Variants in SLC35F3 observed in about 807,000 individuals in gnomAD.
SLC35F3 encodes putative thiamine transporter SLC35F3.
In SLC35F3, 25 loss-of-function variants were observed where a neutral mutation model predicts 49.9. That is an observed-to-expected ratio of 0.50 (90% confidence interval 0.37 to 0.70). The LOEUF is 0.70. SLC35F3 is among the 30% of genes least tolerant of loss of function. SLC35F3 has a pLI of 0.00. For missense variants in SLC35F3, 525 were observed against 639.8 expected, an observed-to-expected ratio of 0.82 and a Z score of 1.94; for synonymous variants, 275 against 265.4, an observed-to-expected ratio of 1.04 and a Z score of -0.35.
chr1:234,285,490 T>G (rs1668405732), intron 3 of SLC35F3: 3 of 385,980 alleles, frequency 7.8e-6, no homozygotes, highest in South Asian at 4.0e-5. Flanking sequence ...AACAGAAAAT[T>G]TTGGGGTGCC....
intron 2 of SLC35F3, among the ~76,000 whole-genome samples, chr1:234,211,740 C>T (rs1218027433): frequency 6.6e-6 from 1 of 152,132 alleles, no homozygotes; most frequent in Admixed American, 6.5e-5. Flanking sequence ...AAGGGACTTC[C>T]CTTGTCTCAA....
At chr1:233,965,663 T>C (rs569027798) in intron 2 of SLC35F3, among the ~76,000 whole-genome samples, 2 of 152,234 alleles carry the variant, frequency 1.3e-5, no homozygotes, top group South Asian at 4.2e-4. Context: ...TGCCAATAAC[T>C]GGAGTGAGCT....
At position 234,027,216 on chromosome 1, in the gene SLC35F3, G is replaced by A. The variant is rs1224873289; in HGVS notation, c.283+121458G>A. ...CTCTGTCTCCCACCACCACACGCTTGATGGCCTGCATCTGGGCTGCTCACT... is the reference window on the plus strand; with the variant it reads ...CTCTGTCTCCCACCACCACACGCTTAATGGCCTGCATCTGGGCTGCTCACT... On this transcript the variant is annotated intron_variant, in intron 2 of 7. Coordinates refer to ENST00000366618, the MANE Select transcript of SLC35F3 (RefSeq NM_173508.4). The surrounding 1 kb of genome is among the most constrained non-coding windows in gnomAD (Gnocchi z 4.1). 1.3e-5 allele frequency: 2 copies of A among 156,680 alleles called. No individual in the cohort carries two copies. Among genetic ancestry groups the A allele is most frequent in the Middle Eastern group, 6.5e-4 (1 of 1,530 alleles). The allele number at this position is 156,680 out of a possible 1,614,324, so 9.7% of individuals were successfully genotyped here.
At chr1:234,131,926 CAA>C (rs1048452413) in intron 2 of SLC35F3, among the ~76,000 whole-genome samples, 1 of 152,092 alleles carries the variant, frequency 6.6e-6, no homozygotes, top group Admixed American at 6.5e-5. Flanking sequence ...CTTGTGAAAA[CAA>C]AGATTTTGTT....
intron 2 of SLC35F3, among the ~76,000 whole-genome samples, chr1:234,130,724 G>C (rs1297388664): frequency 6.6e-6 from 1 of 151,830 alleles, no homozygotes; most frequent in Non-Finnish European, 1.5e-5. Flanking sequence ...ACTGCTGGTA[G>C]AAGCATATAT....
Position 234,323,372 on chromosome 1 carries a change from G to A in SLC35F3, c.*129G>A. 1.4e-6 allele frequency: 1 copy of A among 736,360 alleles called. No homozygotes were observed. The allele number at this position is 736,360 out of a possible 1,614,324, so 45.6% of individuals were successfully genotyped here. ...GCGGTAAGTTCTATGGTATTTATTG[G>A]CATGTCCAATTTGCTTGCACTTTTC... On this transcript the variant is annotated 3_prime_UTR_variant, in exon 8 of 8. Transcript: ENST00000366618. This position sits in a 1 kb window ranked among gnomAD's most constrained non-coding sequence, Gnocchi z 4.5.
At chr1:233,989,842 T>C (rs950595516) in intron 2 of SLC35F3, among the ~76,000 whole-genome samples, 6 of 152,198 alleles carry the variant, frequency 3.9e-5, no homozygotes, top group Non-Finnish European at 2.9e-5. Flanking sequence ...TGAAATTTAC[T>C]AGCTGGGCTA....
rs556567215 is a variant in SLC35F3 at position 233,930,233 on chromosome 1, T to C, written c.283+24475T>C. On this transcript the variant is annotated intron_variant, in intron 2 of 7. Coordinates refer to ENST00000366618, the MANE Select transcript of SLC35F3 (RefSeq NM_173508.4). Reference sequence around the variant, plus strand: ...GTACAGCTCCTGAGAGTTGTCACTTTGAGAACAATTGATGAGGGAAGCTAC... The same window carrying C: ...GTACAGCTCCTGAGAGTTGTCACTTCGAGAACAATTGATGAGGGAAGCTAC... Among the ~76,000 whole-genome samples, 400 of 152,162 alleles carry C rather than the reference T, an allele frequency of 2.6e-3. 3 individuals are homozygous for C. The highest frequency in any genetic ancestry group is 4.6e-3 in the Non-Finnish European group (312 of 67,994).
At chr1:234,100,346 ACAGTTAT>A (rs1665196008) in intron 2 of SLC35F3, among the ~76,000 whole-genome samples, 1 of 152,216 alleles carries the variant, frequency 6.6e-6, no homozygotes, top group South Asian at 2.1e-4. Context: ...ATTTCCAATA[ACAGTTAT>A]ATTATTATTT....
chr1:234,258,218 A>G (rs1667850589), intron 3 of SLC35F3, among the ~76,000 whole-genome samples: 2 of 152,188 alleles, frequency 1.3e-5, no homozygotes, highest in African/African-American at 4.8e-5. Context: ...TAAGGATGAA[A>G]TCATAATGGG....
chr1:234,293,269 C>T (rs1161208161), intron 3 of SLC35F3, among the ~76,000 whole-genome samples: 3 of 152,206 alleles, frequency 2.0e-5, no homozygotes, highest in African/African-American at 4.8e-5. Flanking sequence ...GAAGGCCTGT[C>T]GGGAAGCCTC....
chr1:234,120,170 G>T (rs557843421), intron 2 of SLC35F3, among the ~76,000 whole-genome samples: 2 of 152,212 alleles, frequency 1.3e-5, no homozygotes, highest in African/African-American at 4.8e-5. Context: ...GTTTCTTAGA[G>T]ATAAAATTGA....
At chr1:234,092,742 C>A (rs988369767) in intron 2 of SLC35F3, among the ~76,000 whole-genome samples, 10 of 152,120 alleles carry the variant, frequency 6.6e-5, no homozygotes, top group Non-Finnish European at 1.5e-4. Flanking sequence ...TTGGTGCATG[C>A]CTATAGTCCC....
intron 2 of SLC35F3, among the ~76,000 whole-genome samples, chr1:234,000,470 T>C (rs1572014896): frequency 1.3e-5 from 2 of 152,212 alleles, no homozygotes; most frequent in South Asian, 4.1e-4. Flanking sequence ...TTAATGTGCT[T>C]GGCCCAGTAC....
At chr1:234,012,010 C>A (rs780506433) in intron 2 of SLC35F3, among the ~76,000 whole-genome samples, 2 of 152,134 alleles carry the variant, frequency 1.3e-5, no homozygotes, top group African/African-American at 2.4e-5. Context: ...TTTTCACTAT[C>A]TCAGCAAGAA....
chr1:233,988,057 C>T (rs1316751557), intron 2 of SLC35F3, among the ~76,000 whole-genome samples: 3 of 152,140 alleles, frequency 2.0e-5, no homozygotes, highest in Non-Finnish European at 4.4e-5. Flanking sequence ...AATATTTCCT[C>T]TCATGTCTGT....
chr1:234,034,520 T>C (rs750029995), intron 2 of SLC35F3, among the ~76,000 whole-genome samples: 2 of 152,156 alleles, frequency 1.3e-5, no homozygotes, highest in Non-Finnish European at 2.9e-5. Context: ...TATTCATTCA[T>C]TCATTCATTT....
chr1:234,250,173 A>G (rs569948122), intron 3 of SLC35F3, among the ~76,000 whole-genome samples: 48 of 152,362 alleles, frequency 3.2e-4, no homozygotes, highest in African/African-American at 1.1e-3. Flanking sequence ...TAAGAGATAG[A>G]TGGAACTGTG....
intron 2 of SLC35F3, among the ~76,000 whole-genome samples, chr1:234,121,553 C>A (rs1558235247): frequency 1.3e-5 from 2 of 150,958 alleles, no homozygotes; most frequent in African/African-American, 2.4e-5. Flanking sequence ...ATTAAAGAAG[C>A]TTTTTTTTTC....
Sources: gnomAD v4.1 joint callset for allele counts (sites outside exome capture counted in the v4.1 genomes callset) on GRCh38, gnomAD v4.1.1 for gene constraint, Gnocchi (gnomAD v3.1) non-coding constraint, MANE v1.5 for transcripts, NCBI Gene and HGNC (gene_info 2026-07-23, HGNC 2026-07-21) for gene names.